SRGAP3: variants seen among roughly 807,000 people sequenced by gnomAD.
The protein encoded by SRGAP3 is SLIT-ROBO Rho GTPase activating protein 3, also known as SLIT-ROBO Rho GTPase-activating protein 3.
SRGAP3 carries 39 observed loss-of-function variants against 121.1 expected under a neutral mutation model. The observed-to-expected ratio is 0.32, with a 90% CI of 0.25 to 0.42. The LOEUF (loss-of-function observed/expected upper bound fraction) is 0.42, where lower values mean the gene tolerates loss of function less well. Ranked by LOEUF, SRGAP3 falls within the 10% of genes least tolerant of loss-of-function variation. The pLI is 1.00. For synonymous variants in SRGAP3, 601 were observed against 570.0 expected (o/e 1.05, Z -0.77); for missense variants, 1,213 against 1,470.6 (o/e 0.82, Z 2.86).
chr3:9,247,590 A>C (rs1953868866), intron 1 of SRGAP3, among the ~76,000 whole-genome samples: 1 of 152,176 alleles, frequency 6.6e-6, no homozygotes, highest in Non-Finnish European at 1.5e-5. Flanking sequence ...GAGGCCACCC[A>C]GCTCCCTGGG....
intron 1 of SRGAP3, among the ~76,000 whole-genome samples, chr3:9,136,024 G>A (rs1949633106): frequency 6.6e-6 from 1 of 152,350 alleles, no homozygotes; most frequent in South Asian, 2.1e-4. Flanking sequence ...CACCAGGCAC[G>A]CTGGGCACCG....
chr3:9,118,788 C>G (rs1423139757), intron 2 of SRGAP3, among the ~76,000 whole-genome samples: 1 of 152,038 alleles, frequency 6.6e-6, no homozygotes, highest in African/African-American at 2.4e-5. Flanking sequence ...GCCGCTGCTC[C>G]CATTCCCCAA....
chr3:8,990,434 G>GCTCCC (rs1324758502), intron 21 of SRGAP3, 78 bp downstream of exon 21: 2 of 1,522,576 alleles, frequency 1.3e-6, no homozygotes, highest in African/African-American at 2.8e-5. Context: ...GGCCAAGGTG[G>GCTCCC]CTCCCCGCTC....
chr3:9,102,919 G>T (rs1210112063), intron 3 of SRGAP3, among the ~76,000 whole-genome samples: 1 of 152,170 alleles, frequency 6.6e-6, no homozygotes, highest in East Asian at 1.9e-4. Flanking sequence ...AAAAAGATGT[G>T]ACAGCAGCAG....
intron 1 of SRGAP3, among the ~76,000 whole-genome samples, chr3:9,200,805 T>C (rs575600317): frequency 5.9e-5 from 9 of 152,318 alleles, no homozygotes; most frequent in Admixed American, 2.0e-4. Flanking sequence ...CATAGACGTA[T>C]TGAATCCCGT....
At chr3:9,293,313 T>A (rs778780511) in intron 3 of SRGAP3, 5 of 152,190 alleles carry the variant, frequency 3.3e-5, no homozygotes, top group South Asian at 4.1e-4. Flanking sequence ...TTGCTCTGAC[T>A]GGTGCCTCCT....
intron 6 of SRGAP3, 183 bp from the exon 7 acceptor site, chr3:9,058,655 G>C: frequency 1.6e-6 from 1 of 622,060 alleles, no homozygotes; most frequent in African/African-American, 1.8e-5. Context: ...GGGGAGTTGC[G>C]GTTGAGATTT....
chr3:9,293,775 A>C (rs1954907073), intron 3 of SRGAP3, among the ~76,000 whole-genome samples: 2 of 152,190 alleles, frequency 1.3e-5, no homozygotes. Flanking sequence ...GCAAATCAAA[A>C]CCACAATGAG....
At chr3:9,097,953 A>G (rs900868897) in intron 3 of SRGAP3, among the ~76,000 whole-genome samples, 1 of 152,036 alleles carries the variant, frequency 6.6e-6, no homozygotes, top group Non-Finnish European at 1.5e-5. Context: ...TTTCTGCAGG[A>G]GGGAATCCCA....
chr3:9,335,814 T>C (rs940721361), intron 1 of SRGAP3, among the ~76,000 whole-genome samples: 1 of 152,176 alleles, frequency 6.6e-6, no homozygotes, highest in Non-Finnish European at 1.5e-5. Flanking sequence ...GAGATTAAGA[T>C]TTAAATGGTC....
intron 4 of SRGAP3, among the ~76,000 whole-genome samples, chr3:9,072,926 C>A (rs1008163521): frequency 6.6e-6 from 1 of 152,188 alleles, no homozygotes; most frequent in African/African-American, 2.4e-5. Flanking sequence ...CTCTGAGGAT[C>A]CTTTGATTAC....
At chr3:9,128,867 G>A (rs2124998527) in intron 1 of SRGAP3, among the ~76,000 whole-genome samples, 1 of 152,300 alleles carries the variant, frequency 6.6e-6, no homozygotes, top group Admixed American at 6.5e-5. Flanking sequence ...ACTAGTTTAT[G>A]GTGATAGAGG....
chr3:9,138,802 A>G (rs1008341110), intron 1 of SRGAP3, among the ~76,000 whole-genome samples: 1 of 152,244 alleles, frequency 6.6e-6, no homozygotes, highest in Non-Finnish European at 1.5e-5. Flanking sequence ...GGTGTATATG[A>G]AACAAATGAA....
rs1320930482 is a variant in SRGAP3 at position 9,249,405 on chromosome 3, G to T, written c.-454C>A. The T allele has an allele frequency of 3.2e-5, 9 of 277,962 alleles. No homozygotes were observed. The highest frequency in any genetic ancestry group is 6.2e-5 in the Non-Finnish European group (9 of 144,572). 17.2% of individuals were successfully genotyped at this position (277,962 alleles called of 1,614,324 possible). A position where few individuals can be genotyped will look rare whatever the true frequency, so the allele number is the denominator to read the frequency against. On this transcript the variant is annotated 5_prime_UTR_variant, in exon 1 of 22. Transcript: ENST00000383836. ...ACCCTCACACGCACACACACTCGCT[G>T]GATCACTCACACACACACATCCACG... is the stretch of plus-strand genomic sequence containing the variant.
At chr3:9,053,928 T>C (rs1297465590) in intron 8 of SRGAP3, among the ~76,000 whole-genome samples, 1 of 152,206 alleles carries the variant, frequency 6.6e-6, no homozygotes, top group East Asian at 1.9e-4. Flanking sequence ...CCAAAAACAG[T>C]CCCTGGAAAA....
In SRGAP3 at chr3:8,981,157, T is replaced by C. The variant is rs1218046440; in HGVS notation, c.*4362A>G. ...TTGGACCTGACAGCAAAGTCCCTTC[T>C]CTCGGCTCCCCTGGGCAGCTTTGGA... On this transcript the variant is annotated 3_prime_UTR_variant, in exon 22 of 22. Transcript: ENST00000383836. 1 of 233,110 alleles carries C rather than the reference T, an allele frequency of 4.3e-6. No individual in the cohort carries two copies. Among genetic ancestry groups the C allele is most frequent in the African/African-American group, 2.2e-5 (1 of 45,338 alleles). 14.4% of individuals were successfully genotyped at this position (233,110 alleles called of 1,614,324 possible).
Position 9,056,150 on chromosome 3 carries a change from G to A in SRGAP3, c.1125+83C>T, listed in dbSNP as rs1945810512. The A allele has an allele frequency of 6.6e-6, 8 of 1,219,596 alleles. No homozygotes were observed. In the East Asian group the frequency reaches 1.9e-4, roughly 28 times the overall value. 75.5% of individuals were successfully genotyped at this position (1,219,596 alleles called of 1,614,324 possible). A position where few individuals can be genotyped will look rare whatever the true frequency, so the allele number is the denominator to read the frequency against. ...TATAAGTGGAACTATCATTTCTTAT[G>A]CACTTCGTGGCACAAGTGGACTCCC... On this transcript the variant is annotated intron_variant, in intron 8 of 21. Transcript: ENST00000383836.
At chr3:8,993,999 G>A (rs957203177) in intron 19 of SRGAP3, 14 of 369,078 alleles carry the variant, frequency 3.8e-5, no homozygotes, top group East Asian at 1.8e-4. Flanking sequence ...GTGTAGAACC[G>A]TAGGCAGGGG....
chr3:8,999,986 T>A (rs1028759521), intron 18 of SRGAP3, among the ~76,000 whole-genome samples: 1 of 151,982 alleles, frequency 6.6e-6, no homozygotes, highest in Non-Finnish European at 1.5e-5. Context: ...GTGAGAAAGG[T>A]GAAAATCTCT....
Sources: allele counts gnomAD v4.1 joint callset (sites outside exome capture counted in the v4.1 genomes callset), GRCh38; gene constraint gnomAD v4.1.1; transcripts MANE v1.5; gene names NCBI Gene and HGNC (gene_info 2026-07-23, HGNC 2026-07-21).